PPT1: variants seen among roughly 807,000 people sequenced by gnomAD.
PPT1 encodes ceroid-palmitoyl-palmitoyl-protein thioesterase 1.
A neutral mutation model predicts 44.0 loss-of-function variants in PPT1; 24 were observed. That is an observed-to-expected ratio of 0.54 (90% confidence interval 0.39 to 0.77). The LOEUF is 0.77. Ranked by LOEUF, PPT1 falls within the 30% of genes least tolerant of loss-of-function variation. The pLI, the probability that PPT1 is intolerant of heterozygous loss-of-function variation, is 0.00. For synonymous variants in PPT1, 148 were observed against 140.2 expected, an observed-to-expected ratio of 1.06 and a Z score of -0.39; for missense variants, 341 against 378.8, an observed-to-expected ratio of 0.90 and a Z score of 0.83.
downstream of PPT1, chr1:40,072,254 A>G: frequency 4.3e-6 from 1 of 231,114 alleles, no homozygotes; most frequent in Non-Finnish European, 7.4e-6. Flanking sequence ...TTTAAAAGGA[A>G]AAAAAAAAAA....
chr1:40,089,125 T>C (rs533893946), intron 5 of PPT1, among the ~76,000 whole-genome samples: 1 of 151,998 alleles, frequency 6.6e-6, no homozygotes, highest in South Asian at 2.1e-4. Flanking sequence ...CAGTCTCTTC[T>C]GAAAATACAA....
intron 5 of PPT1, among the ~76,000 whole-genome samples, chr1:40,082,010 C>T (rs1387095041): frequency 6.6e-6 from 1 of 152,166 alleles, no homozygotes; most frequent in African/African-American, 2.4e-5. Flanking sequence ...TTGCTGGGAA[C>T]TGGAGCAAAG....
intron 1 of PPT1, among the ~76,000 whole-genome samples, chr1:40,096,630 T>C (rs1308527430): frequency 6.6e-6 from 1 of 151,832 alleles, no homozygotes; most frequent in Admixed American, 6.6e-5. Flanking sequence ...CCCAGATCTC[T>C]TGTATATATG....
At chr1:40,095,365 C>T (rs1344385497) in intron 1 of PPT1, among the ~76,000 whole-genome samples, 2 of 152,172 alleles carry the variant, frequency 1.3e-5, no homozygotes, top group Non-Finnish European at 2.9e-5. Context: ...CCTAGGTGGT[C>T]TCACCTAGCC....
At chr1:40,093,423 G>A (rs1359994760) in intron 1 of PPT1, among the ~76,000 whole-genome samples, 1 of 51,098 alleles carries the variant, frequency 2.0e-5, no homozygotes, top group Admixed American at 2.0e-4. Flanking sequence ...TTTTTCTGGG[G>A]TGTTGAAAAA....
chr1:40,096,570 G>C (rs1382495174), intron 1 of PPT1, among the ~76,000 whole-genome samples: 2 of 151,664 alleles, frequency 1.3e-5, no homozygotes, highest in African/African-American at 4.9e-5. Context: ...ATGTGTATAA[G>C]GTGTATATGA....
intron 5 of PPT1, among the ~76,000 whole-genome samples, chr1:40,083,245 C>A (rs1193118188): frequency 1.3e-5 from 2 of 152,114 alleles, no homozygotes; most frequent in Non-Finnish European, 2.9e-5. Flanking sequence ...GCCAGGAGTT[C>A]AAGACTAGCT....
In PPT1 at chr1:40,097,147, G is replaced by C; in HGVS notation, c.92C>G (p.Ala31Gly). The C allele has an allele frequency of 1.9e-6, 3 of 1,614,110 alleles. No homozygotes were observed. Among genetic ancestry groups the C allele is most frequent in the Non-Finnish European group, 2.5e-6 (3 of 1,179,980 alleles). The change falls in exon 1 of 9, where the codon GCG (alanine) becomes GGG (glycine). Residue 31 changes from alanine to glycine, a missense_variant. Transcript: ENST00000642050. ...ATGCCAGATCACCAACGGCAGCGGC[G>C]CCGGCGGGTCCAGATGCTGCAGCGC... ...SRALQHLDPP[A>G]PLPLVIWHGM...
chr1:40,089,357 T>G, intron 5 of PPT1, 53 bp downstream of exon 5: 42 of 1,385,448 alleles, frequency 3.0e-5, no homozygotes, highest in Middle Eastern at 1.8e-4. Context: ...AAAGTCAGCA[T>G]GATATTTTCA....
At chr1:40,089,151 G>C (rs1254795829) in intron 5 of PPT1, among the ~76,000 whole-genome samples, 1 of 152,070 alleles carries the variant, frequency 6.6e-6, no homozygotes, top group Non-Finnish European at 1.5e-5. Flanking sequence ...GCCAGGCGTA[G>C]TGGCGCATGC....
At chr1:40,088,462 AAGCCC>A (rs1318553303) in intron 5 of PPT1, among the ~76,000 whole-genome samples, 1 of 152,208 alleles carries the variant, frequency 6.6e-6, no homozygotes, top group Non-Finnish European at 1.5e-5. Flanking sequence ...TCTAAGGATA[AAGCCC>A]AGGAATCCAT....
At chr1:40,081,226 G>A (rs1648920329) in intron 5 of PPT1, among the ~76,000 whole-genome samples, 1 of 152,128 alleles carries the variant, frequency 6.6e-6, no homozygotes, top group Non-Finnish European at 1.5e-5. Flanking sequence ...AGTCTCATGA[G>A]ATCTGATGGT....
At chr1:40,086,696 C>G (rs769857304) in intron 5 of PPT1, among the ~76,000 whole-genome samples, 1 of 150,948 alleles carries the variant, frequency 6.6e-6, no homozygotes, top group Non-Finnish European at 1.5e-5. Flanking sequence ...AATCTCCTAA[C>G]AGAAAATTAA....
At chr1:40,090,119 G>A (rs1649473102) in intron 4 of PPT1, among the ~76,000 whole-genome samples, 1 of 152,164 alleles carries the variant, frequency 6.6e-6, no homozygotes, top group Non-Finnish European at 1.5e-5. Flanking sequence ...ACAACCACTA[G>A]TGTGTCCTTC....
chr1:40,097,201 G>C lies in PPT1; in HGVS notation c.38C>G (p.Ala13Gly), dbSNP rs1057515557. 8.1e-6 allele frequency: 13 copies of C among 1,613,954 alleles called. No individual in the cohort carries two copies. The highest frequency in any genetic ancestry group is 1.6e-4 in the Middle Eastern group (1 of 6,084). The stretch of plus-strand genomic sequence containing the variant: ...AGAAGCGCAGGTCCATGGCAGGAGA[G>C]CCACAGCCAAGAGCCACAGGCAGCC... ...SPGCLWLLAV[A>G]LLPWTCASRA... Residue 13 changes from alanine to glycine, a missense_variant, in exon 1 of 9, where the codon GCT becomes GGT. Ala to Gly is a moderately conservative substitution (Grantham distance 60). Coordinates refer to ENST00000642050, the MANE Select transcript of PPT1 (RefSeq NM_000310.4).
At chr1:40,094,624 T>A (rs375969608) in intron 1 of PPT1, among the ~76,000 whole-genome samples, 12 of 152,312 alleles carry the variant, frequency 7.9e-5, no homozygotes, top group East Asian at 5.8e-4. Context: ...GTTTCTTCTA[T>A]TTCAGGGAAC....
chr1:40,097,183 C>T lies in PPT1; in HGVS notation c.56G>A (p.Cys19Tyr). Reference sequence around the variant, plus strand: ...CAGATGCTGCAGCGCCCGAGAAGCGCAGGTCCATGGCAGGAGAGCCACAGC... The same window carrying T: ...CAGATGCTGCAGCGCCCGAGAAGCGTAGGTCCATGGCAGGAGAGCCACAGC... ...LLAVALLPWT[C>Y]ASRALQHLDP... Residue 19 changes from cysteine (C) to tyrosine (Y), a missense_variant, in exon 1 of 9, where the codon TGC becomes TAC. Physicochemically the swap from Cys to Tyr is radical, Grantham distance 194. Coordinates refer to ENST00000642050, the MANE Select transcript of PPT1 (RefSeq NM_000310.4). 3 of 1,614,134 alleles carry T rather than the reference C, an allele frequency of 1.9e-6. No homozygotes were observed. Among genetic ancestry groups the T allele is most frequent in the Non-Finnish European group, 1.7e-6 (2 of 1,179,990 alleles).
Position 40,073,654 on chromosome 1 carries a change from G to A in PPT1, c.*407C>T, listed in dbSNP as rs1648400131. 4.7e-6 allele frequency: 1 copy of A among 210,554 alleles called. No individual in the cohort carries two copies. Among genetic ancestry groups the A allele is most frequent in the African/African-American group, 2.3e-5 (1 of 43,004 alleles). The allele number at this position is 210,554 out of a possible 1,614,324, so 13.0% of individuals were successfully genotyped here. A position where few individuals can be genotyped will look rare whatever the true frequency, so the allele number is the denominator to read the frequency against. ...CCAGCAAAACAAAGCATTTATGTGAGTACCTCAGGCCTGGGCACCTCTTTG... is the reference window on the plus strand; with the variant it reads ...CCAGCAAAACAAAGCATTTATGTGAATACCTCAGGCCTGGGCACCTCTTTG... On this transcript the variant is annotated 3_prime_UTR_variant, in exon 9 of 9. Transcript: ENST00000642050.
rs766907637 is a variant in PPT1 at position 40,080,506 on chromosome 1, A to G, written c.537-19T>C. The stretch of plus-strand genomic sequence containing the variant: ...CACGAGGCTGTAGGAAAAAAAAAGA[A>G]TGAGGTGATCAAGCTACAGGTCAGT... On this transcript the variant is annotated intron_variant, in intron 5 of 8. Coordinates refer to ENST00000642050, the MANE Select transcript of PPT1 (RefSeq NM_000310.4). 6.2e-7 allele frequency: 1 copy of G among 1,609,350 alleles called. No individual in the cohort carries two copies. Among genetic ancestry groups the G allele is most frequent in the Admixed American group, 1.7e-5 (1 of 59,994 alleles).
Sources: gnomAD v4.1 joint callset for allele counts (sites outside exome capture counted in the v4.1 genomes callset) on GRCh38, gnomAD v4.1.1 for gene constraint, MANE v1.5 for transcripts, NCBI Gene and HGNC (gene_info 2026-07-23, HGNC 2026-07-21) for gene names.